TENM3: variants seen among roughly 807,000 people sequenced by gnomAD.
TENM3 encodes teneurin-3.
In TENM3, 63 loss-of-function variants were observed where a neutral mutation model predicts 255.1. The observed-to-expected ratio is 0.25, with a 90% CI of 0.20 to 0.30. The LOEUF (loss-of-function observed/expected upper bound fraction) is 0.30, where lower values mean the gene tolerates loss of function less well. TENM3 is among the 10% of genes least tolerant of loss of function. The probability of loss-of-function intolerance (pLI) is 1.00; values close to 1 mark genes in which losing one functional copy is unlikely to be tolerated. For synonymous variants in TENM3, 1,306 were observed against 1,322.3 expected (o/e 0.99, Z 0.27); for missense variants, 2,929 against 3,461.1 (o/e 0.85, Z 3.86).
At chr4:181,869,043 A>T in the TENM3 span, among the ~76,000 whole-genome samples, 1 of 151,668 alleles carries the variant, frequency 6.6e-6, no homozygotes, top group Non-Finnish European at 1.5e-5. Context: ...TTATACTATT[A>T]TTAAATGTTA....
chr4:181,601,022 C>T, the TENM3 span, among the ~76,000 whole-genome samples: 1 of 152,100 alleles, frequency 6.6e-6, no homozygotes, highest in Non-Finnish European at 1.5e-5. Context: ...TTTGCAGCTT[C>T]CTCCAGTGGG....
chr4:182,031,032 T>G, the TENM3 span, among the ~76,000 whole-genome samples: 1 of 152,244 alleles, frequency 6.6e-6, no homozygotes, highest in East Asian at 1.9e-4. Context: ...TAGTTTCTTT[T>G]GCTGTGCAGA....
At chr4:181,992,339 A>T in the TENM3 span, among the ~76,000 whole-genome samples, 4 of 152,292 alleles carry the variant, frequency 2.6e-5, no homozygotes, top group Non-Finnish European at 4.4e-5. Context: ...CATTAGTGCA[A>T]CCAGGCAGAT....
the TENM3 span, among the ~76,000 whole-genome samples, chr4:181,508,737 T>C: frequency 6.6e-6 from 1 of 152,188 alleles, no homozygotes; most frequent in East Asian, 1.9e-4. Context: ...TTTTGCCATG[T>C]TGAATGTAGC....
chr4:182,493,816 A>G (rs1360818492), intron 3 of TENM3, among the ~76,000 whole-genome samples: 1 of 152,182 alleles, frequency 6.6e-6, no homozygotes, highest in Non-Finnish European at 1.5e-5. Flanking sequence ...AATAAAGTTA[A>G]TGACAATTAT....
the TENM3 span, among the ~76,000 whole-genome samples, chr4:181,455,009 T>C: frequency 6.6e-6 from 1 of 152,130 alleles, no homozygotes; most frequent in African/African-American, 2.4e-5. Context: ...AATTATTCTC[T>C]GCTCAACCTC....
chr4:181,658,439 A>G, the TENM3 span, among the ~76,000 whole-genome samples: 1 of 151,992 alleles, frequency 6.6e-6, no homozygotes, highest in African/African-American at 2.4e-5. Context: ...GCAACCTGAA[A>G]CTTCTCTTAG....
the TENM3 span, among the ~76,000 whole-genome samples, chr4:181,614,593 G>A: frequency 6.6e-6 from 1 of 152,200 alleles, no homozygotes; most frequent in Non-Finnish European, 1.5e-5. Context: ...ATTTAACACA[G>A]TCTCTGCATT....
At chr4:181,803,400 C>A in the TENM3 span, among the ~76,000 whole-genome samples, 2 of 152,088 alleles carry the variant, frequency 1.3e-5, no homozygotes, top group African/African-American at 2.4e-5. Context: ...GCATATCTAC[C>A]CACCTCCCTC....
At chr4:181,612,147 G>C in the TENM3 span, among the ~76,000 whole-genome samples, 2 of 152,286 alleles carry the variant, frequency 1.3e-5, no homozygotes, top group African/African-American at 4.8e-5. Context: ...CTCAGTGCCA[G>C]TGGCCTCTGT....
At chr4:181,465,396 A>G in the TENM3 span, among the ~76,000 whole-genome samples, 3 of 152,168 alleles carry the variant, frequency 2.0e-5, no homozygotes, top group Non-Finnish European at 4.4e-5. Context: ...TCAACCAAAC[A>G]TTTGATGCCT....
At chr4:182,552,334 G>A (rs191149335) in intron 3 of TENM3, among the ~76,000 whole-genome samples, 3 of 152,250 alleles carry the variant, frequency 2.0e-5, no homozygotes, top group Admixed American at 2.0e-4. Context: ...GGGTGAATTT[G>A]GAGTTCCAAT....
At chr4:182,765,250 A>G (rs886506775) in intron 22 of TENM3, among the ~76,000 whole-genome samples, 2 of 152,202 alleles carry the variant, frequency 1.3e-5, no homozygotes, top group African/African-American at 2.4e-5. Flanking sequence ...GGAACATAGA[A>G]GATCTGGTGA....
chr4:182,495,970 C>T (rs960978331), intron 3 of TENM3, among the ~76,000 whole-genome samples: 1 of 152,054 alleles, frequency 6.6e-6, no homozygotes, highest in Admixed American at 6.6e-5. Context: ...TTAGACTGAC[C>T]TTGGAAGCTA....
intron 1 of TENM3, among the ~76,000 whole-genome samples, chr4:182,187,661 T>A (rs532428561): frequency 6.6e-6 from 1 of 151,818 alleles, no homozygotes; most frequent in East Asian, 1.9e-4. Context: ...CAGAAATTAA[T>A]TAGGAAAAAA....
At chr4:182,128,669 G>A in the TENM3 span, among the ~76,000 whole-genome samples, 6 of 152,226 alleles carry the variant, frequency 3.9e-5, no homozygotes, top group South Asian at 8.3e-4. Flanking sequence ...CACTAAGAAC[G>A]AAGTTAGTAA....
chr4:181,891,319 C>T, the TENM3 span, among the ~76,000 whole-genome samples: 1 of 152,114 alleles, frequency 6.6e-6, no homozygotes, highest in Non-Finnish European at 1.5e-5. Context: ...AAGAAACTAA[C>T]ATTTGCACTA....
the TENM3 span, among the ~76,000 whole-genome samples, chr4:181,765,903 G>A: frequency 2.6e-5 from 4 of 152,180 alleles, no homozygotes; most frequent in Non-Finnish European, 5.9e-5. Flanking sequence ...ATACATATCT[G>A]CATTAGAGTT....
the TENM3 span, among the ~76,000 whole-genome samples, chr4:181,535,432 C>G: frequency 6.6e-6 from 1 of 152,194 alleles, no homozygotes; most frequent in Non-Finnish European, 1.5e-5. Context: ...GTCTCCTAGG[C>G]TCTTGCAATA....
Sources: gnomAD v4.1 joint callset for allele counts (sites outside exome capture counted in the v4.1 genomes callset) on GRCh38, gnomAD v4.1.1 for gene constraint, MANE v1.5 for transcripts, NCBI Gene and HGNC (gene_info 2026-07-23, HGNC 2026-07-21) for gene names.